The following INSL6 variants were observed in gnomAD, a reference collection of about 807,000 sequenced individuals.
INSL6 encodes insulin like 6.
Under a neutral mutation model 9.4 loss-of-function variants are expected in INSL6, and 16 were observed. The observed-to-expected ratio is 1.70, with a 90% CI of 1.15 to 2.59. The LOEUF (loss-of-function observed/expected upper bound fraction) is 2.59. Ranked by LOEUF, INSL6 falls within the 30% of genes most tolerant of loss-of-function variation. The pLI, the probability that INSL6 is intolerant of heterozygous loss-of-function variation, is 0.00. For missense variants in INSL6, 391 were observed against 257.3 expected (o/e 1.52, Z -3.56); for synonymous variants, 154 against 96.9 (o/e 1.59, Z -3.46).
the INSL6 span, among the ~76,000 whole-genome samples, chr9:5,055,154 G>C: frequency 6.6e-6 from 1 of 151,860 alleles, no homozygotes; most frequent in South Asian, 2.1e-4. Flanking sequence ...GATTTTAAAG[G>C]AGTTTTGCCT....
intron 1 of INSL6, among the ~76,000 whole-genome samples, chr9:5,168,284 A>T (rs1304399114): frequency 6.6e-6 from 1 of 152,240 alleles, no homozygotes; most frequent in African/African-American, 2.4e-5. Context: ...TCCCTGAGCT[A>T]AAGGAGTATG....
At chr9:5,146,226 A>G (rs1413860667) in intron 2 of INSL6, among the ~76,000 whole-genome samples, 1 of 152,104 alleles carries the variant, frequency 6.6e-6, no homozygotes, top group Non-Finnish European at 1.5e-5. Flanking sequence ...GCCAGTATTC[A>G]GCTCCCAAAT....
Position 5,164,012 on chromosome 9 carries a change from T to C in INSL6, c.543A>G (p.Thr181=), listed in dbSNP as rs771593746. The C allele has an allele frequency of 4.3e-6, 7 of 1,613,546 alleles. No homozygotes were observed. The South Asian group carries it at 6.6e-5, about 15-fold the overall frequency. ...RRGYSEKCCL[T]GCTKEELSIA... is the part of the protein sequence containing the mutation. Reference sequence around the variant, plus strand: ...TGCTAAGTTCTTCTTTTGTACATCCTGTAAGACAACACTTTTCTGAATATC... The same window carrying C: ...TGCTAAGTTCTTCTTTTGTACATCCCGTAAGACAACACTTTTCTGAATATC... Residue 181 remains threonine, a synonymous_variant, in exon 2 of 2, where the codon ACA becomes ACG. Coordinates refer to ENST00000381641, the MANE Select transcript of INSL6 (RefSeq NM_007179.3).
chr9:5,138,614 A>G (rs1173877198), intron 2 of INSL6, among the ~76,000 whole-genome samples: 2 of 152,160 alleles, frequency 1.3e-5, no homozygotes, highest in African/African-American at 2.4e-5. Flanking sequence ...TTGCATTAGG[A>G]GAAATGCCTA....
chr9:5,042,131 T>C, the INSL6 span, among the ~76,000 whole-genome samples: 14 of 87,002 alleles, frequency 1.6e-4, no homozygotes, highest in East Asian at 1.6e-3. Context: ...TTTCTTTTTT[T>C]TTTTTTTTTT....
At chr9:5,050,548 G>C in the INSL6 span, 8 of 798,028 alleles carry the variant, frequency 1.0e-5, no homozygotes, top group Non-Finnish European at 1.6e-5. Flanking sequence ...TGGGATTACA[G>C]GCATGAGCCA....
At chr9:5,075,112 G>T in the INSL6 span, among the ~76,000 whole-genome samples, 3 of 152,186 alleles carry the variant, frequency 2.0e-5, no homozygotes, top group South Asian at 6.2e-4. Context: ...TGAGAGAGGT[G>T]AGGAAGCTGC....
At chr9:5,158,317 G>T (rs1824859630) in intron 2 of INSL6, among the ~76,000 whole-genome samples, 1 of 152,078 alleles carries the variant, frequency 6.6e-6, no homozygotes, top group African/African-American at 2.4e-5. Flanking sequence ...CCTATAGAAA[G>T]GTATCAGTGT....
At chr9:5,057,368 T>C in the INSL6 span, among the ~76,000 whole-genome samples, 4 of 152,156 alleles carry the variant, frequency 2.6e-5, no homozygotes, top group South Asian at 8.3e-4. Context: ...ATTCTGGCAT[T>C]TATTTCTCTT....
At chr9:5,045,503 C>T in the INSL6 span, among the ~76,000 whole-genome samples, 2 of 152,294 alleles carry the variant, frequency 1.3e-5, no homozygotes, top group South Asian at 2.1e-4. Context: ...ACCATCACCA[C>T]CATCCATCTC....
At chr9:5,056,890 G>A in the INSL6 span, among the ~76,000 whole-genome samples, 5 of 152,288 alleles carry the variant, frequency 3.3e-5, no homozygotes, top group Admixed American at 6.5e-5. Flanking sequence ...CAAGGGCACA[G>A]TGTTAGTTAA....
chr9:5,063,088 G>A, the INSL6 span, among the ~76,000 whole-genome samples: 1 of 152,040 alleles, frequency 6.6e-6, no homozygotes, highest in Non-Finnish European at 1.5e-5. Flanking sequence ...CATGTCACAT[G>A]CTTGTCTCTT....
At chr9:5,167,898 C>G (rs1825091356) in intron 1 of INSL6, among the ~76,000 whole-genome samples, 1 of 152,162 alleles carries the variant, frequency 6.6e-6, no homozygotes, top group Non-Finnish European at 1.5e-5. Context: ...GGTCTGCAGC[C>G]TCCACGGTGA....
At chr9:5,070,544 A>T in the INSL6 span, among the ~76,000 whole-genome samples, 1 of 152,126 alleles carries the variant, frequency 6.6e-6, no homozygotes, top group Non-Finnish European at 1.5e-5. Flanking sequence ...TCCTATGAAC[A>T]CTGTATTTCT....
chr9:5,124,051 A>C (rs925994379), exon 4 of INSL6, among the ~76,000 whole-genome samples: 10 of 151,396 alleles, frequency 6.6e-5, no homozygotes, highest in Admixed American at 3.3e-4. Context: ...ACTTTTTAAC[A>C]CGATTATTAG....
chr9:5,002,113 C>A, the INSL6 span, among the ~76,000 whole-genome samples: 1 of 151,614 alleles, frequency 6.6e-6, no homozygotes, highest in African/African-American at 2.4e-5. Context: ...CTTTTTAAAT[C>A]TTTTCTAAAA....
the INSL6 span, among the ~76,000 whole-genome samples, chr9:5,105,407 A>G: frequency 3.3e-5 from 5 of 152,228 alleles, no homozygotes; most frequent in Non-Finnish European, 7.3e-5. Flanking sequence ...GCTCAATGAA[A>G]TACAAGAGGA....
At chr9:5,121,504 G>A (rs1823613085), downstream of INSL6, among the ~76,000 whole-genome samples, 1 of 152,150 alleles carries the variant, frequency 6.6e-6, no homozygotes, top group Non-Finnish European at 1.5e-5. Flanking sequence ...TTGGAAGGAG[G>A]CTCCTGCTGA....
chr9:5,148,660 C>T (rs1188369479), intron 2 of INSL6, among the ~76,000 whole-genome samples: 3 of 152,128 alleles, frequency 2.0e-5, no homozygotes, highest in Non-Finnish European at 4.4e-5. Flanking sequence ...AGTGTGGGCT[C>T]CTTCCCAATT....
Sources: gnomAD v4.1 joint callset for allele counts (sites outside exome capture counted in the v4.1 genomes callset) on GRCh38, gnomAD v4.1.1 for gene constraint, MANE v1.5 for transcripts, NCBI Gene and HGNC (gene_info 2026-07-23, HGNC 2026-07-21) for gene names.